The following MYL5 variants were observed in gnomAD, a reference collection of about 807,000 sequenced individuals.
MYL5 encodes the protein myosin light chain 5.
In MYL5, 28 loss-of-function variants were observed where a neutral mutation model predicts 20.8. That is an observed-to-expected ratio of 1.35 (90% CI 1.00 to 1.84). MYL5 has a LOEUF of 1.84. MYL5 is among the 40% of genes most tolerant of loss of function. MYL5 has a pLI of 0.00. For synonymous variants in MYL5, 118 were observed against 87.4 expected (o/e 1.35, Z -1.95); for missense variants, 274 against 227.3 (o/e 1.21, Z -1.32).
chr4:676,792 G>T, upstream of MYL5: 1 of 788,196 alleles, frequency 1.3e-6, no homozygotes, highest in Non-Finnish European at 1.5e-6. Flanking sequence ...CTTGCTCCCA[G>T]CCCCAGGGTT....
Position 677,945 on chromosome 4 carries a change from T to G in MYL5, c.-82T>G. The G allele has an allele frequency of 1.9e-6, 3 of 1,611,714 alleles. No homozygotes were observed. The South Asian group carries it at 3.3e-5, about 18-fold the overall frequency. ...AGGGAGTGGCAGCCGGAGTCTGAAC[T>G]GTCCTGGGGGACCAAGCAGGAGCTT... On this transcript the variant is annotated 5_prime_UTR_variant, in exon 1 of 7. Coordinates refer to ENST00000400159, the Ensembl canonical transcript of MYL5.
exon 5 of MYL5, chr4:680,522 G>A (rs1221068035): frequency 1.2e-6 from 2 of 1,613,358 alleles, no homozygotes; most frequent in African/African-American, 1.3e-5. Flanking sequence ...CCGACGCCGA[G>A]GAGACCATTC....
At chr4:678,823 C>T in intron 2 of MYL5, 58 bp downstream of exon 4, 4 of 1,607,756 alleles carry the variant, frequency 2.5e-6, no homozygotes, top group Non-Finnish European at 3.4e-6. Flanking sequence ...GCTGGGAAGA[C>T]CCCATGTGGG....
At chr4:677,866 A>G, upstream of MYL5, 50 of 1,259,308 alleles carry the variant, frequency 4.0e-5, no homozygotes, top group Non-Finnish European at 5.5e-5. Context: ...CAGGCTGCCA[A>G]AGCTCACTCT....
chr4:681,803 G>A (rs1269283674), intron 6 of MYL5, 90 bp from the exon 9 acceptor site: 3 of 1,242,302 alleles, frequency 2.4e-6, no homozygotes, highest in Non-Finnish European at 3.0e-6. Context: ...CCCCTCCCGC[G>A]GCGCAGAAAC....
intron 4 of MYL5, 59 bp downstream of exon 6, chr4:680,077 G>C: frequency 2.2e-6 from 3 of 1,386,502 alleles, no homozygotes; most frequent in Non-Finnish European, 3.0e-6. Flanking sequence ...TTAGAGATCC[G>C]GACATTTCAC....
exon 7 of MYL5, chr4:681,916 C>T (rs1739744915): frequency 2.3e-6 from 3 of 1,319,702 alleles, no homozygotes; most frequent in South Asian, 2.7e-5. Flanking sequence ...TCCAGTTCGC[C>T]TCCATCGATG....
At chr4:677,877 G>A, upstream of MYL5, 1 of 1,359,260 alleles carries the variant, frequency 7.4e-7, no homozygotes, top group Non-Finnish European at 1.0e-6. Flanking sequence ...AGCTCACTCT[G>A]CAGCTGTCCA....
At chr4:674,772 T>C (rs961481162), upstream of MYL5, 1 of 164,442 alleles carries the variant, frequency 6.1e-6, no homozygotes, top group African/African-American at 2.4e-5. Context: ...GGGAGCGGAG[T>C]GTGAGCCGAG....
intron 6 of MYL5, 27 bp downstream of exon 8, chr4:681,167 C>T: frequency 6.3e-7 from 1 of 1,596,322 alleles, no homozygotes; most frequent in Non-Finnish European, 8.5e-7. Flanking sequence ...CCCTGCCAAG[C>T]CCACGAGGGG....
chr4:674,575 C>T (rs746328472), upstream of MYL5: 16 of 422,008 alleles, frequency 3.8e-5, no homozygotes, highest in Non-Finnish European at 6.4e-5. Flanking sequence ...CGCTGTTTCC[C>T]CGCGCTGCTG....
At chr4:677,907 A>T, upstream of MYL5, 1 of 1,563,696 alleles carries the variant, frequency 6.4e-7, no homozygotes, top group African/African-American at 1.4e-5. Flanking sequence ...GGTAGCCCCA[A>T]GCCTGTCCTT....
At chr4:676,998 T>C (rs1402733867), upstream of MYL5, 2 of 899,074 alleles carry the variant, frequency 2.2e-6, no homozygotes, top group Non-Finnish European at 1.3e-6. Flanking sequence ...TCAAGAGACA[T>C]GCAAGTGGCA....
chr4:678,787 G>T, intron 2 of MYL5, 22 bp downstream of exon 4: 1 of 1,607,806 alleles, frequency 6.2e-7, no homozygotes, highest in Non-Finnish European at 8.5e-7. Flanking sequence ...CTGCTTCACT[G>T]GGAGCCCCCA....
At chr4:681,173 A>G in intron 6 of MYL5, 33 bp downstream of exon 8, 1 of 1,592,032 alleles carries the variant, frequency 6.3e-7, no homozygotes, top group Non-Finnish European at 8.5e-7. Flanking sequence ...CAAGCCCACG[A>G]GGGGAGGGCG....
At chr4:680,548 T>C (rs1422194713) in exon 5 of MYL5, 1 of 1,613,414 alleles carries the variant, frequency 6.2e-7, no homozygotes, top group Admixed American at 1.7e-5. Flanking sequence ...GCCTTCAAGA[T>C]GCTGGACCCG....
chr4:675,407 G>C (rs1264861910), upstream of MYL5: 1 of 152,484 alleles, frequency 6.6e-6, no homozygotes, highest in Non-Finnish European at 1.5e-5. Flanking sequence ...GCCCTGCACT[G>C]CTACAGGCAG....
intron 5 of MYL5, 184 bp from the exon 8 acceptor site, chr4:680,908 C>T (rs1739408429): frequency 5.7e-6 from 4 of 699,956 alleles, no homozygotes; most frequent in Non-Finnish European, 9.6e-6. Flanking sequence ...ATCAGCGGCT[C>T]CCCCAGAAGT....
intron 6 of MYL5, 137 bp downstream of exon 8, chr4:681,277 C>A: frequency 1.0e-6 from 1 of 984,752 alleles, no homozygotes; most frequent in Non-Finnish European, 1.5e-6. Flanking sequence ...CCGGGGGGCT[C>A]CCGAAGTGCC....
Sources: allele counts gnomAD v4.1 joint callset, GRCh38; gene constraint gnomAD v4.1.1; transcripts MANE v1.5; gene names NCBI Gene and HGNC (gene_info 2026-07-23, HGNC 2026-07-21).